Variants in NAV2 observed in about 807,000 individuals in gnomAD.
The protein encoded by NAV2 is helicase, APC down-regulated 1.
Under a neutral mutation model 223.2 loss-of-function variants are expected in NAV2, and 54 were observed. The ratio of observed to expected loss-of-function variants is 0.24; its 90% CI spans 0.19 to 0.30. The LOEUF (loss-of-function observed/expected upper bound fraction) is 0.30, where lower values mean the gene tolerates loss of function less well. Among genes scored for constraint, NAV2 ranks in the 10% least tolerant of loss-of-function variants. The pLI is 1.00. For synonymous variants in NAV2, 1,279 were observed against 1,239.3 expected (o/e 1.03, Z -0.67); for missense variants, 2,806 against 3,147.5 (o/e 0.89, Z 2.60).
At position 19,630,712 on chromosome 11, in the gene NAV2, CA is replaced by C. The variant is rs911557216; in HGVS notation, c.76-201766del. Reference sequence around the variant, plus strand: ...GACCAGCCTGGGCAACATGGTGAGACAAAAAATATAAAAATTAGCTGGACGT... The same window carrying C: ...GACCAGCCTGGGCAACATGGTGAGACAAAAATATAAAAATTAGCTGGACGT... On this transcript the variant is annotated intron_variant, in intron 1 of 37. Transcript: ENST00000360655. Among the ~76,000 whole-genome samples the C allele has an allele frequency of 3.3e-4, 50 of 151,886 alleles. 1 individual carries two copies. The highest frequency in any genetic ancestry group is 1.2e-3 in the African/African-American group (49 of 41,446).
At chr11:19,646,152 G>T (rs573140738) in intron 1 of NAV2, among the ~76,000 whole-genome samples, 2 of 152,310 alleles carry the variant, frequency 1.3e-5, no homozygotes, top group East Asian at 3.9e-4. Context: ...GAGAGGCCAG[G>T]GCTGGGGGCT....
chr11:19,629,970 T>A (rs2047298821), intron 1 of NAV2, among the ~76,000 whole-genome samples: 1 of 152,060 alleles, frequency 6.6e-6, no homozygotes, highest in Admixed American at 6.5e-5. Context: ...TCTACCAAAA[T>A]TCTGTACCCT....
intron 1 of NAV2, among the ~76,000 whole-genome samples, chr11:19,515,314 G>C (rs76589329): frequency 6.6e-6 from 1 of 152,168 alleles, no homozygotes; most frequent in African/African-American, 2.4e-5. Context: ...TAAAATGGGG[G>C]TTCACAGCAC....
At chr11:19,742,026 G>A (rs200491497) in intron 1 of NAV2, among the ~76,000 whole-genome samples, 3 of 142,546 alleles carry the variant, frequency 2.1e-5, no homozygotes, top group Admixed American at 7.1e-5. Flanking sequence ...GACTTTTTTT[G>A]GATGATAGCC....
At chr11:20,014,095 A>G (rs532936627) in intron 11 of NAV2, among the ~76,000 whole-genome samples, 8 of 152,276 alleles carry the variant, frequency 5.3e-5, no homozygotes, top group African/African-American at 1.4e-4. Context: ...AGAGTCCCCA[A>G]CTGTTGGCTT....
chr11:19,882,322 C>T (rs932192765), intron 5 of NAV2, among the ~76,000 whole-genome samples: 2 of 152,146 alleles, frequency 1.3e-5, no homozygotes, highest in African/African-American at 4.8e-5. Flanking sequence ...AACAGATTAA[C>T]TCTCGGGAAT....
intron 5 of NAV2, among the ~76,000 whole-genome samples, chr11:19,885,489 T>C (rs1677193265): frequency 6.6e-6 from 1 of 152,246 alleles, no homozygotes; most frequent in Admixed American, 6.5e-5. Context: ...CTCCTTATTA[T>C]GACTGGTATT....
rs1276866948 is a variant in NAV2, at chr11:19,998,295, A to T, written c.2768+14048A>T. On this transcript the variant is annotated intron_variant, in intron 11 of 37. Transcript: ENST00000349880. The surrounding 1 kb of genome is among the most constrained non-coding windows in gnomAD (Gnocchi z 5.0). ...CTTCTCTCTCTCCCTCTCTCCGCCC[A>T]CCTCCCTCTCCTTCTCTCTCATTGG... Among the ~76,000 whole-genome samples, 1 of 143,710 alleles carries T rather than the reference A, an allele frequency of 7.0e-6. No individual in the cohort carries two copies. Among genetic ancestry groups the T allele is most frequent in the African/African-American group, 2.6e-5 (1 of 37,908 alleles). 94.3% of individuals were successfully genotyped at this position (143,710 alleles called of 152,430 possible).
rs971960514 is a variant in NAV2 at position 19,712,900 on chromosome 11, C to G, written c.-796C>G. On this transcript the variant is annotated 5_prime_UTR_variant, in exon 1 of 38. Transcript: ENST00000349880. ...TCCCGGGAAGCGCGGCGGCCGCTCC[C>G]GAGCGCAGCCCTGCCCGGCCCGCCA... 1.3e-5 allele frequency among the ~76,000 whole-genome samples: 2 copies of G among 151,158 alleles called. No homozygotes were observed. The highest frequency in any genetic ancestry group is 6.6e-5 in the Admixed American group (1 of 15,156).
At chr11:19,401,312 C>T (rs1849676088) in intron 1 of NAV2, among the ~76,000 whole-genome samples, 1 of 152,198 alleles carries the variant, frequency 6.6e-6, no homozygotes, top group Non-Finnish European at 1.5e-5. Flanking sequence ...AAACCAAATA[C>T]CACTGACTGC....
At chr11:19,852,875 A>G (rs2152982892) in intron 3 of NAV2, among the ~76,000 whole-genome samples, 1 of 152,362 alleles carries the variant, frequency 6.6e-6, no homozygotes, top group African/African-American at 2.4e-5. Flanking sequence ...GAGTGATGTG[A>G]CATATCAAAT....
At chr11:19,709,386 C>CAA (rs1056710488), upstream of NAV2, among the ~76,000 whole-genome samples, 1 of 151,314 alleles carries the variant, frequency 6.6e-6, no homozygotes. Flanking sequence ...ACTAAAAATA[C>CAA]AAAAAATTAG....
intron 1 of NAV2, among the ~76,000 whole-genome samples, chr11:19,806,116 T>C (rs1490747663): frequency 1.3e-5 from 2 of 152,240 alleles, no homozygotes; most frequent in African/African-American, 4.8e-5. Flanking sequence ...TGGTAGCCAG[T>C]GTTCCATCTT....
At chr11:19,835,654 G>A (rs954441177) in intron 2 of NAV2, among the ~76,000 whole-genome samples, 6 of 151,810 alleles carry the variant, frequency 4.0e-5, no homozygotes, top group African/African-American at 9.7e-5. Context: ...AAATATATTT[G>A]TATGTGTACA....
intron 1 of NAV2, among the ~76,000 whole-genome samples, chr11:19,724,619 C>T (rs760638191): frequency 6.6e-6 from 1 of 152,198 alleles, no homozygotes; most frequent in Non-Finnish European, 1.5e-5. Context: ...GGCAATAGGC[C>T]AACACTGACC....
intron 1 of NAV2, among the ~76,000 whole-genome samples, chr11:19,766,099 C>T (rs1565279150): frequency 6.6e-6 from 1 of 151,792 alleles, no homozygotes; most frequent in Non-Finnish European, 1.5e-5. Flanking sequence ...TAAATATATC[C>T]ATATAAGGAC....
intron 3 of NAV2, among the ~76,000 whole-genome samples, chr11:19,853,477 ACT>A (rs1454547397): frequency 1.3e-5 from 2 of 152,050 alleles, no homozygotes; most frequent in East Asian, 3.9e-4. Flanking sequence ...AAAGTTGTAA[ACT>A]CTCTTAAAAC....
At chr11:19,631,120 C>G (rs953336242) in intron 1 of NAV2, among the ~76,000 whole-genome samples, 19 of 146,510 alleles carry the variant, frequency 1.3e-4, no homozygotes, top group African/African-American at 4.8e-4. Flanking sequence ...TTTATTATTA[C>G]TATACTTTAA....
At chr11:19,540,251 G>A (rs137979784) in intron 1 of NAV2, among the ~76,000 whole-genome samples, 17 of 152,198 alleles carry the variant, frequency 1.1e-4, no homozygotes, top group African/African-American at 2.2e-4. Flanking sequence ...ACTGGTTGCC[G>A]TCAAGGTCTT....
Sources: allele counts gnomAD v4.1 joint callset (sites outside exome capture counted in the v4.1 genomes callset), GRCh38; gene constraint gnomAD v4.1.1; non-coding constraint Gnocchi (gnomAD v3.1); transcripts MANE v1.5; gene names NCBI Gene and HGNC (gene_info 2026-07-23, HGNC 2026-07-21).